PCDHA9: variants seen among roughly 807,000 people sequenced by gnomAD.
The protein encoded by PCDHA9 is protocadherin alpha-9.
Under a neutral mutation model 62.0 loss-of-function variants are expected in PCDHA9, and 62 were observed. The ratio of observed to expected loss-of-function variants is 1.00; its 90% CI spans 0.81 to 1.23. The LOEUF is 1.23. PCDHA9 is among the 50% of genes most tolerant of loss of function. PCDHA9 has a pLI of 0.00. For synonymous variants in PCDHA9, 557 were observed against 567.6 expected (o/e 0.98, Z 0.27); for missense variants, 1,205 against 1,249.8 (o/e 0.96, Z 0.54).
intron 1 of PCDHA9, among the ~76,000 whole-genome samples, chr5:140,912,341 G>GT (rs1430124831): frequency 9.5e-5 from 12 of 126,362 alleles, no homozygotes; most frequent in African/African-American, 4.2e-4. Flanking sequence ...AGTACACTAA[G>GT]TATTTTTTTT....
Position 140,932,626 on chromosome 5 carries a change from C to T in PCDHA9, c.2395-46323C>T, listed in dbSNP as rs965543719. 1.2e-4 allele frequency among the ~76,000 whole-genome samples: 18 copies of T among 151,670 alleles called. 1 individual carries two copies. The highest frequency in any genetic ancestry group is 8.9e-5 in the Non-Finnish European group (6 of 67,754). On this transcript the variant is annotated intron_variant, in intron 1 of 3. Coordinates refer to ENST00000532602, the MANE Select transcript of PCDHA9 (RefSeq NM_031857.2). ...TTTGACTTTGAAGCTGATAACCACA[C>T]TAAAAAACTTTAGAATGATGAAACT...
At chr5:140,877,697 C>A in intron 1 of PCDHA9, 2 of 1,613,912 alleles carry the variant, frequency 1.2e-6, no homozygotes, top group Non-Finnish European at 1.7e-6. Context: ...CTGGTGTGCT[C>A]CAGCGCCGTG....
At chr5:141,001,451 A>T (rs2098018648) in intron 3 of PCDHA9, among the ~76,000 whole-genome samples, 1 of 152,310 alleles carries the variant, frequency 6.6e-6, no homozygotes, top group African/African-American at 2.4e-5. Flanking sequence ...TTCCACTGTC[A>T]ATTGAAGGAC....
intron 1 of PCDHA9, chr5:140,875,922 T>C: frequency 6.2e-7 from 1 of 1,614,200 alleles, no homozygotes; most frequent in South Asian, 1.1e-5. Context: ...CTCTGGACTC[T>C]CATTTTCCTC....
intron 1 of PCDHA9, chr5:140,860,659 T>C (rs1310065546): frequency 1.3e-5 from 2 of 152,224 alleles, no homozygotes; most frequent in Non-Finnish European, 2.9e-5. Context: ...AGTGAAATAA[T>C]ATGAAATCAA....
At chr5:140,901,553 A>C (rs1387848935) in intron 1 of PCDHA9, among the ~76,000 whole-genome samples, 1 of 152,072 alleles carries the variant, frequency 6.6e-6, no homozygotes, top group African/African-American at 2.4e-5. Flanking sequence ...TGTTCCATTC[A>C]TCTATGTGTC....
At chr5:140,877,149 C>T in intron 1 of PCDHA9, 5 of 1,613,766 alleles carry the variant, frequency 3.1e-6, no homozygotes, top group Non-Finnish European at 4.2e-6. Flanking sequence ...TGGACGAGAA[C>T]GACAACGCGC....
At chr5:140,904,187 C>T (rs1554191348) in intron 1 of PCDHA9, among the ~76,000 whole-genome samples, 1 of 151,982 alleles carries the variant, frequency 6.6e-6, no homozygotes, top group Non-Finnish European at 1.5e-5. Context: ...ACCCCCTTCC[C>T]ACCCTTTCCC....
intron 3 of PCDHA9, among the ~76,000 whole-genome samples, chr5:141,004,948 C>T (rs1356526927): frequency 6.6e-6 from 1 of 152,236 alleles, no homozygotes; most frequent in African/African-American, 2.4e-5. Context: ...TTCTTACCCT[C>T]TCTCGTCACT....
intron 1 of PCDHA9, among the ~76,000 whole-genome samples, chr5:140,939,940 C>G (rs1438905083): frequency 6.6e-6 from 1 of 152,140 alleles, no homozygotes; most frequent in Non-Finnish European, 1.5e-5. Context: ...TTATCAGTTA[C>G]TGAGAAAATT....
At position 140,856,679 on chromosome 5, in the gene PCDHA9, T is replaced by C. The variant is rs781823964; in HGVS notation, c.2394+5790T>C. 1.0e-4 allele frequency: 165 copies of C among 1,597,704 alleles called. 10 individuals are homozygous for C. Among genetic ancestry groups the C allele is most frequent in the Non-Finnish European group, 1.4e-4 (162 of 1,167,324 alleles). On this transcript the variant is annotated intron_variant, in intron 1 of 3. Transcript: ENST00000532602. ...AGAAAATCCTCAGCTAAAGTTGTTG[T>C]TGACAGCAACTGATGGAGGCAAACC...
chr5:140,853,435 A>G lies in PCDHA9; in HGVS notation c.2394+2546A>G, dbSNP rs2150531946. ...GTGAAAGCAGAAGAGACACTTTCCTATTTTGCCTAATAGGTCTCCTTATAT... is the reference window on the plus strand; with the variant it reads ...GTGAAAGCAGAAGAGACACTTTCCTGTTTTGCCTAATAGGTCTCCTTATAT... On this transcript the variant is annotated intron_variant, in intron 1 of 3. Coordinates refer to ENST00000532602, the MANE Select transcript of PCDHA9 (RefSeq NM_031857.2). 6.1e-5 allele frequency: 60 copies of G among 984,096 alleles called. 8 individuals carry two copies. Among genetic ancestry groups the G allele is most frequent in the Non-Finnish European group, 6.7e-5 (55 of 816,498 alleles). The allele number at this position is 984,096 out of a possible 1,614,324, so 61.0% of individuals were successfully genotyped here.
At chr5:141,009,462 A>G (rs1279658091) in intron 3 of PCDHA9, 165 bp from the exon 4 acceptor site, 2 of 954,512 alleles carry the variant, frequency 2.1e-6, no homozygotes, top group Non-Finnish European at 2.5e-6. Flanking sequence ...TAAACAAATA[A>G]ATAAATAAGT....
intron 3 of PCDHA9, among the ~76,000 whole-genome samples, chr5:140,987,604 T>G (rs2097261353): frequency 6.6e-6 from 1 of 152,222 alleles, no homozygotes; most frequent in Admixed American, 6.5e-5. Context: ...GTCTACCTTA[T>G]AGGGTTCTTG....
chr5:140,992,822 T>G (rs560336634), intron 3 of PCDHA9, among the ~76,000 whole-genome samples: 6 of 152,240 alleles, frequency 3.9e-5, no homozygotes, highest in Admixed American at 3.3e-4. Flanking sequence ...GATGTGTTTG[T>G]TTTTTGGGAA....
chr5:140,966,934 G>A (rs782780798), intron 1 of PCDHA9: 6 of 1,604,080 alleles, frequency 3.7e-6, no homozygotes, highest in South Asian at 2.2e-5. Flanking sequence ...CACCCGGCGC[G>A]CTCGTGGGCA....
At chr5:140,902,324 C>A (rs1554190388) in intron 1 of PCDHA9, among the ~76,000 whole-genome samples, 1 of 151,472 alleles carries the variant, frequency 6.6e-6, no homozygotes, top group Non-Finnish European at 1.5e-5. Context: ...AGGTGTAACT[C>A]ACTTCGCCTG....
intron 1 of PCDHA9, chr5:140,875,490 A>G: frequency 6.2e-7 from 1 of 1,612,864 alleles, no homozygotes; most frequent in Non-Finnish European, 8.5e-7. Context: ...TTATCGGACC[A>G]AGAGGCCCGG....
chr5:140,850,692 G>A lies in PCDHA9; in HGVS notation c.2197G>A (p.Ala733Thr), dbSNP rs2150494456. The A allele has an allele frequency of 1.9e-6, 3 of 1,598,344 alleles. 1 individual carries two copies. The Admixed American group carries it at 5.1e-5, about 27-fold the overall frequency. Residue 733 changes from alanine to threonine, a missense_variant, in exon 1 of 4, where the codon GCG becomes ACG. Ala to Thr is a moderately conservative substitution (Grantham distance 58). Transcript: ENST00000532602. Reference protein sequence around the residue: ...CSAMPTEGECAPGKPTLVCSS... With the variant: ...CSAMPTEGECTPGKPTLVCSS... ...GGCGATGCCCACCGAGGGCGAGTGC[G>A]CGCCTGGCAAGCCGACGCTGGTGTG...
Sources: gnomAD v4.1 joint callset for allele counts (sites outside exome capture counted in the v4.1 genomes callset) on GRCh38, gnomAD v4.1.1 for gene constraint, MANE v1.5 for transcripts, NCBI Gene and HGNC (gene_info 2026-07-23, HGNC 2026-07-21) for gene names.